The following CFAP54 variants were observed in gnomAD, a reference collection of about 807,000 sequenced individuals.
CFAP54 encodes the protein cilia- and flagella-associated protein 54.
In CFAP54, 290 loss-of-function variants were observed where a neutral mutation model predicts 370.4. That is an observed-to-expected ratio of 0.78 (90% CI 0.71 to 0.86). The LOEUF is 0.86. Among genes scored for constraint, CFAP54 ranks in the 40% least tolerant of loss-of-function variants. CFAP54 has a pLI of 0.00. For synonymous variants in CFAP54, 1,206 were observed against 1,236.5 expected (o/e 0.98, Z 0.52); for missense variants, 3,399 against 3,528.7 (o/e 0.96, Z 0.93).
At chr12:96,636,124 GT>G (rs1956662087) in intron 32 of CFAP54, among the ~76,000 whole-genome samples, 1 of 152,144 alleles carries the variant, frequency 6.6e-6, no homozygotes. Flanking sequence ...ACTTACATAG[GT>G]TCCACAGGGA....
Position 96,757,514 on chromosome 12 carries a change from C to G in CFAP54, c.7966C>G (p.Leu2656Val). 2 of 1,591,686 alleles carry G rather than the reference C, an allele frequency of 1.3e-6. No individual in the cohort carries two copies. Among genetic ancestry groups the G allele is most frequent in the Non-Finnish European group, 1.7e-6 (2 of 1,163,374 alleles). Residue 2656 changes from leucine to valine, a missense_variant, in exon 58 of 68, where the codon CTA (leucine) becomes GTA (valine). This residue lies in a region of CFAP54 where 2,796 missense variants were observed against 2,869.7 expected (regional missense o/e 0.97). Transcript: ENST00000524981. The stretch of plus-strand genomic sequence containing the variant: ...TTTTAGATTGATAAGAGACTCCTAC[C>G]TAGAAATGGCTCTATTGTATTTTCA... ...QNSGLIRDSY[L>V]EMALLYFHLK...
intron 60 of CFAP54, among the ~76,000 whole-genome samples, chr12:96,776,143 ATTAG>A (rs1334174396): frequency 6.6e-6 from 1 of 152,116 alleles, no homozygotes; most frequent in Non-Finnish European, 1.5e-5. Context: ...TTTCAGGAAA[ATTAG>A]TTATAGCAAA....
intron 32 of CFAP54, among the ~76,000 whole-genome samples, chr12:96,638,205 A>ATATG (rs1956682242): frequency 8.2e-6 from 1 of 122,616 alleles, no homozygotes; most frequent in African/African-American, 3.1e-5. Flanking sequence ...ATATATATGC[A>ATATG]TGTGTGTGTG....
intron 25 of CFAP54, among the ~76,000 whole-genome samples, chr12:96,596,490 A>T (rs1956180204): frequency 6.6e-6 from 1 of 152,164 alleles, no homozygotes; most frequent in Admixed American, 6.5e-5. Flanking sequence ...GGACATTTTT[A>T]CTAAATGATG....
At chr12:96,624,713 C>T (rs1956532925) in intron 28 of CFAP54, among the ~76,000 whole-genome samples, 1 of 152,176 alleles carries the variant, frequency 6.6e-6, no homozygotes, top group Non-Finnish European at 1.5e-5. Flanking sequence ...GATGAGGCTA[C>T]ACTTGTAGAA....
intron 50 of CFAP54, among the ~76,000 whole-genome samples, chr12:96,736,676 A>G (rs1194727121): frequency 1.3e-5 from 2 of 152,242 alleles, no homozygotes; most frequent in African/African-American, 4.8e-5. Flanking sequence ...AGATACTAAG[A>G]AAAGATAAAG....
intron 19 of CFAP54, among the ~76,000 whole-genome samples, chr12:96,565,470 T>C (rs1194723724): frequency 6.6e-6 from 1 of 152,074 alleles, no homozygotes; most frequent in African/African-American, 2.4e-5. Context: ...TGTATGAAGA[T>C]GTACAGAATA....
intron 65 of CFAP54, among the ~76,000 whole-genome samples, chr12:96,823,114 GTGTT>G (rs1959050565): frequency 8.5e-6 from 1 of 117,632 alleles, no homozygotes; most frequent in African/African-American, 3.1e-5. Flanking sequence ...TAGATCGTGT[GTGTT>G]TGTCTGTGTG....
rs146895813 is a variant in CFAP54 at position 96,758,042 on chromosome 12, G to T, written c.8040+454G>T. 1.8e-4 allele frequency among the ~76,000 whole-genome samples: 28 copies of T among 152,234 alleles called. No homozygotes were observed. The East Asian group carries it at 5.0e-3, about 27-fold the overall frequency. On this transcript the variant is annotated intron_variant, in intron 58 of 67. Coordinates refer to ENST00000524981, the MANE Select transcript of CFAP54 (RefSeq NM_001306084.2). ...ATAGAATCATTCATACATTCATCAC[G>T]TATCTATTGAGCATCTACTATGATC...
In CFAP54 at chr12:96,539,744, AAAG is replaced by A. The variant is rs759660333; in HGVS notation, c.1927-1088_1927-1086del. Among the ~76,000 whole-genome samples the A allele has an allele frequency of 6.6e-5, 10 of 152,178 alleles. 1 individual carries two copies. The highest frequency in any genetic ancestry group is 1.3e-4 in the Non-Finnish European group (9 of 68,030). ...GTCATATGAGCTTGGATCAATTCAA[AAAG>A]AAGATTAATAATAGAGAATACAGAG... On this transcript the variant is annotated intron_variant, in intron 13 of 67. Transcript: ENST00000524981.
At chr12:96,810,588 A>G (rs561240037) in intron 63 of CFAP54, among the ~76,000 whole-genome samples, 11 of 152,288 alleles carry the variant, frequency 7.2e-5, no homozygotes, top group South Asian at 2.1e-4. Context: ...TGATTACCCA[A>G]TTACTCATAC....
intron 66 of CFAP54, among the ~76,000 whole-genome samples, chr12:96,836,985 G>A (rs1424238258): frequency 6.6e-6 from 1 of 152,042 alleles, no homozygotes; most frequent in African/African-American, 2.4e-5. Context: ...ATGCCACCAT[G>A]CCCAGCTATT....
At chr12:96,722,141 C>T (rs1326816285) in intron 50 of CFAP54, among the ~76,000 whole-genome samples, 1 of 152,212 alleles carries the variant, frequency 6.6e-6, no homozygotes. Context: ...CACCCACCAA[C>T]CACCATAAAA....
intron 60 of CFAP54, 28 bp from the exon 61 acceptor site, chr12:96,784,689 A>G: frequency 6.9e-7 from 1 of 1,449,416 alleles, no homozygotes; most frequent in African/African-American, 1.4e-5. Context: ...ATAATATTGT[A>G]TTACAAAAAA....
At chr12:96,630,333 A>G in intron 31 of CFAP54, 129 bp downstream of exon 31, 1 of 605,004 alleles carries the variant, frequency 1.7e-6, no homozygotes, top group South Asian at 2.7e-5. Context: ...ATAATTTTAT[A>G]ATTACACAAT....
Position 96,753,762 on chromosome 12 carries a change from A to T in CFAP54, c.7704A>T (p.Gln2568His). The T allele has an allele frequency of 1.2e-6, 2 of 1,613,786 alleles. No homozygotes were observed. The highest frequency in any genetic ancestry group is 1.7e-6 in the Non-Finnish European group (2 of 1,179,812). ...KMRIGHTVAKQVYYKNKRKDP... is the reference protein window; with the variant it reads ...KMRIGHTVAKHVYYKNKRKDP... ...TTTTAGGACATACAGTGGCCAAGCA[A>T]GTATATTACAAGAATAAAAGGAAGG... The change falls in exon 56 of 68, where the codon CAA (glutamine) becomes CAT (histidine). Residue 2568 changes from glutamine (Q) to histidine (H), a missense_variant. By Grantham distance (24) the Gln-to-His change is conservative. This residue lies in a region of CFAP54 where 2,796 missense variants were observed against 2,869.7 expected (regional missense o/e 0.97). Transcript: ENST00000524981.
At chr12:96,874,363 T>C (rs1960237973) in intron 67 of CFAP54, among the ~76,000 whole-genome samples, 1 of 152,148 alleles carries the variant, frequency 6.6e-6, no homozygotes, top group Non-Finnish European at 1.5e-5. Flanking sequence ...TTATTTGCAA[T>C]TCATGAATCA....
intron 61 of CFAP54, among the ~76,000 whole-genome samples, chr12:96,786,312 C>G (rs911266133): frequency 1.3e-5 from 2 of 151,450 alleles, no homozygotes; most frequent in African/African-American, 4.9e-5. Flanking sequence ...TTCTGAGTAG[C>G]TGGGATTACA....
intron 62 of CFAP54, among the ~76,000 whole-genome samples, chr12:96,791,629 CA>C (rs1206349867): frequency 1.3e-5 from 2 of 151,512 alleles, no homozygotes; most frequent in African/African-American, 4.9e-5. Context: ...TATGGCATTG[CA>C]AAAAAATACT....
Sources: gnomAD v4.1 joint callset for allele counts (sites outside exome capture counted in the v4.1 genomes callset) on GRCh38, gnomAD v4.1.1 for gene constraint, gnomAD v4.1.1 regional missense constraint, MANE v1.5 for transcripts, NCBI Gene and HGNC (gene_info 2026-07-23, HGNC 2026-07-21) for gene names.